Variants in EDC3 observed in about 807,000 individuals in gnomAD.
EDC3 encodes enhancer of mRNA decapping 3.
EDC3 carries 20 observed loss-of-function variants against 41.8 expected under a neutral mutation model. That is an observed-to-expected ratio of 0.48 (90% CI 0.34 to 0.70). The LOEUF is 0.70. Among genes scored for constraint, EDC3 ranks in the 30% least tolerant of loss-of-function variants. EDC3 has a pLI of 0.01. For synonymous variants in EDC3, 206 were observed against 243.2 expected (o/e 0.85, Z 1.42); for missense variants, 444 against 636.8 (o/e 0.70, Z 3.26).
rs1009539272 is a variant in EDC3 at position 74,678,287 on chromosome 15, C to T, written c.-18-3145G>A. 3.3e-5 allele frequency among the ~76,000 whole-genome samples: 5 copies of T among 151,986 alleles called. No homozygotes were observed. In the East Asian group the frequency reaches 7.7e-4, roughly 23 times the overall value. ...GTTCATCAATTGTAACAAACACGAC[C>T]GTGGTGTGGAATGTTGACAGCAGAG... is the stretch of plus-strand genomic sequence containing the variant. On this transcript the variant is annotated intron_variant, in intron 1 of 6. Coordinates refer to ENST00000315127, the MANE Select transcript of EDC3 (RefSeq NM_025083.5).
chr15:74,647,406 G>T (rs1307369601), intron 4 of EDC3, among the ~76,000 whole-genome samples: 1 of 152,174 alleles, frequency 6.6e-6, no homozygotes, highest in Non-Finnish European at 1.5e-5. Flanking sequence ...GTGCATTTCT[G>T]GAATGACCAA....
intron 3 of EDC3, among the ~76,000 whole-genome samples, chr15:74,661,146 T>C (rs766444777): frequency 1.5e-4 from 23 of 152,236 alleles, no homozygotes; most frequent in Non-Finnish European, 3.1e-4. Context: ...TAAATAACGA[T>C]AATACTAATG....
chr15:74,643,938 T>C (rs944204510), intron 4 of EDC3: 2 of 152,074 alleles, frequency 1.3e-5, no homozygotes, highest in African/African-American at 4.8e-5. Context: ...TCTGTGGCAG[T>C]CAACAAAACT....
chr15:74,641,948 GT>G (rs1222572968), intron 4 of EDC3: 2 of 152,288 alleles, frequency 1.3e-5, no homozygotes, highest in Admixed American at 1.3e-4. Flanking sequence ...GTTAATAAAA[GT>G]TTTCAGTACA....
chr15:74,640,530 T>G lies in EDC3; in HGVS notation c.910A>C (p.Arg304=), dbSNP rs1381116560. ...GCACACACACCTGTCATCTCCAGTC[T>G]CCGCTCAAGGGTCAGCCCATGCTTC... ...AEKHGLTLER[R]LEMTGVCASQ... Residue 304 remains arginine, a synonymous_variant, in exon 5 of 7, where the codon AGA becomes CGA. Coordinates refer to ENST00000315127, the MANE Select transcript of EDC3 (RefSeq NM_025083.5). The G allele has an allele frequency of 2.5e-6, 4 of 1,614,080 alleles. No homozygotes were observed. The South Asian group carries it at 4.4e-5, about 18-fold the overall frequency.
At chr15:74,636,801 TATG>T (rs1358077214) in intron 5 of EDC3, 8 of 152,204 alleles carry the variant, frequency 5.3e-5, no homozygotes, top group South Asian at 4.1e-4. Flanking sequence ...TTAGAGGAAA[TATG>T]ATGAGAATTG....
rs184596421 is a variant in EDC3 at position 74,675,104 on chromosome 15, T to A, written c.21A>T (p.Gly7=). 3.7e-6 allele frequency: 6 copies of A among 1,612,720 alleles called. No individual in the cohort carries two copies. Among genetic ancestry groups the A allele is most frequent in the Non-Finnish European group, 5.1e-6 (6 of 1,179,974 alleles). MATDWL[G]SIVSINCGDS... ...CTCCACAATTGATGGACACAATACT[T>A]CCCAGCCAATCTGTAGCCATGTTTC... is the stretch of plus-strand genomic sequence containing the variant. Residue 7 remains glycine, a synonymous_variant, in exon 2 of 7, where the codon GGA becomes GGT. Transcript: ENST00000315127.
chr15:74,651,488 G>A (rs1326096095), intron 4 of EDC3, among the ~76,000 whole-genome samples: 1 of 152,238 alleles, frequency 6.6e-6, no homozygotes, highest in African/African-American at 2.4e-5. Flanking sequence ...ACTGCCAAGA[G>A]GAGTATGAGC....
At chr15:74,681,105 AC>A (rs1238738678) in intron 1 of EDC3, among the ~76,000 whole-genome samples, 1 of 152,242 alleles carries the variant, frequency 6.6e-6, no homozygotes, top group African/African-American at 2.4e-5. Flanking sequence ...GTAGATATAG[AC>A]AAGGTTATTC....
intron 4 of EDC3, among the ~76,000 whole-genome samples, chr15:74,650,242 G>A (rs558912033): frequency 1.9e-4 from 29 of 152,218 alleles, no homozygotes; most frequent in African/African-American, 6.7e-4. Flanking sequence ...ATGACTACAG[G>A]ACAAGGATAG....
chr15:74,653,620 C>G (rs1212442545), intron 4 of EDC3, among the ~76,000 whole-genome samples: 1 of 152,168 alleles, frequency 6.6e-6, no homozygotes, highest in Non-Finnish European at 1.5e-5. Flanking sequence ...TGTCATGAAC[C>G]AGTGGAGTGC....
chr15:74,684,999 G>A (rs1460491526), intron 1 of EDC3, among the ~76,000 whole-genome samples: 1 of 152,086 alleles, frequency 6.6e-6, no homozygotes, highest in African/African-American at 2.4e-5. Context: ...AGCCTTCCCT[G>A]TCTACCCAAT....
At chr15:74,648,030 G>A (rs1366227539) in intron 4 of EDC3, among the ~76,000 whole-genome samples, 1 of 152,194 alleles carries the variant, frequency 6.6e-6, no homozygotes, top group African/African-American at 2.4e-5. Context: ...CATGGGTTGG[G>A]TCTATGGGTG....
chr15:74,668,766 A>AAAGAAAGAAAG (rs1255290082), intron 3 of EDC3, among the ~76,000 whole-genome samples: 2 of 66,072 alleles, frequency 3.0e-5, no homozygotes, highest in African/African-American at 1.9e-4. Context: ...AAGAAAGAAA[A>AAAGAAAGAAAG]AGGTTAAAGT....
chr15:74,646,548 G>A (rs1033770142), intron 4 of EDC3, among the ~76,000 whole-genome samples: 1 of 152,210 alleles, frequency 6.6e-6, no homozygotes, highest in East Asian at 1.9e-4. Context: ...TGAAAGACAG[G>A]CAGGACTGTA....
At chr15:74,683,657 T>A (rs1234536342) in intron 1 of EDC3, among the ~76,000 whole-genome samples, 1 of 152,106 alleles carries the variant, frequency 6.6e-6, no homozygotes, top group Non-Finnish European at 1.5e-5. Flanking sequence ...GGGTAGGGCA[T>A]AAGGAATCTC....
chr15:74,656,841 T>C (rs1596313749), intron 3 of EDC3, among the ~76,000 whole-genome samples: 1 of 152,174 alleles, frequency 6.6e-6, no homozygotes, highest in South Asian at 2.1e-4. Context: ...AACAGCTGGA[T>C]GTTGGAGACT....
intron 1 of EDC3, among the ~76,000 whole-genome samples, chr15:74,677,209 TGC>T (rs2062815342): frequency 6.6e-6 from 1 of 151,224 alleles, no homozygotes; most frequent in Non-Finnish European, 1.5e-5. Context: ...ATTACAGGCA[TGC>T]ACCACCACAC....
intron 3 of EDC3, among the ~76,000 whole-genome samples, chr15:74,663,227 G>A (rs1408203371): frequency 6.6e-6 from 1 of 152,292 alleles, no homozygotes; most frequent in East Asian, 1.9e-4. Context: ...GGTGGAGGTT[G>A]CAGTGAGCCG....
Sources: gnomAD v4.1 joint callset for allele counts (sites outside exome capture counted in the v4.1 genomes callset) on GRCh38, gnomAD v4.1.1 for gene constraint, MANE v1.5 for transcripts, NCBI Gene and HGNC (gene_info 2026-07-23, HGNC 2026-07-21) for gene names.